The following ANO3 variants were observed in gnomAD, a reference collection of about 807,000 sequenced individuals.
ANO3 encodes anoctamin-3.
ANO3 carries 99 observed loss-of-function variants against 144.8 expected under a neutral mutation model. That is an observed-to-expected ratio of 0.68 (90% CI 0.58 to 0.81). The LOEUF is 0.81. ANO3 is among the 30% of genes least tolerant of loss of function. The pLI is 0.00. For missense variants in ANO3, 905 were observed against 1,202.2 expected (o/e 0.75, Z 3.66); for synonymous variants, 414 against 392.6 (o/e 1.05, Z -0.64).
chr11:26,404,317 A>C (rs1204750676), intron 1 of ANO3, among the ~76,000 whole-genome samples: 2 of 151,836 alleles, frequency 1.3e-5, no homozygotes, highest in African/African-American at 4.8e-5. Flanking sequence ...GCTAGACTCC[A>C]TATTGATCTA....
intron 1 of ANO3, among the ~76,000 whole-genome samples, chr11:26,192,870 G>A (rs1268461373): frequency 6.6e-6 from 1 of 152,100 alleles, no homozygotes; most frequent in African/African-American, 2.4e-5. Context: ...GTGTTCCAGA[G>A]ATTGATGTAA....
chr11:26,370,110 A>G (rs748336785), intron 1 of ANO3, among the ~76,000 whole-genome samples: 2 of 152,206 alleles, frequency 1.3e-5, no homozygotes, highest in Admixed American at 1.3e-4. Flanking sequence ...GTTCTCACCC[A>G]TATCTAGTCT....
chr11:26,362,150 G>A (rs188467018), intron 1 of ANO3, among the ~76,000 whole-genome samples: 45 of 152,158 alleles, frequency 3.0e-4, no homozygotes, highest in Admixed American at 2.9e-3. Flanking sequence ...GAGTGAAATC[G>A]CACACTCATA....
chr11:26,356,327 A>C (rs1855782899), intron 1 of ANO3, among the ~76,000 whole-genome samples: 1 of 152,160 alleles, frequency 6.6e-6, no homozygotes, highest in Admixed American at 6.5e-5. Flanking sequence ...TGAAACCACA[A>C]TCACAATCAA....
At chr11:26,476,661 G>A (rs1044112042) in intron 4 of ANO3, among the ~76,000 whole-genome samples, 4 of 152,028 alleles carry the variant, frequency 2.6e-5, no homozygotes, top group African/African-American at 9.7e-5. Flanking sequence ...CAATGTCGGA[G>A]GTGGGGACGA....
rs1331813808 is a variant in ANO3 at position 26,553,467 on chromosome 11, T to C, written c.1386+122T>C. ...TCTCAAGAGTTTCAACCTTAATAAGTGCCATTGACAACTGAATAAAATGTC... is the reference window on the plus strand; with the variant it reads ...TCTCAAGAGTTTCAACCTTAATAAGCGCCATTGACAACTGAATAAAATGTC... On this transcript the variant is annotated intron_variant, in intron 13 of 26. Coordinates refer to ENST00000256737, the MANE Select transcript of ANO3 (RefSeq NM_031418.4). 5.4e-6 allele frequency: 3 copies of C among 553,554 alleles called. No homozygotes were observed. The African/African-American group carries it at 5.7e-5, about 11-fold the overall frequency. 34.3% of individuals were successfully genotyped at this position (553,554 alleles called of 1,614,324 possible). A position where few individuals can be genotyped will look rare whatever the true frequency, so the allele number is the denominator to read the frequency against.
At chr11:26,198,145 G>A (rs372878655) in intron 1 of ANO3, among the ~76,000 whole-genome samples, 4 of 152,156 alleles carry the variant, frequency 2.6e-5, no homozygotes, top group African/African-American at 9.7e-5. Flanking sequence ...CTAGGGGATT[G>A]AGGATGGTTC....
chr11:26,406,424 C>A (rs191092079), intron 1 of ANO3, among the ~76,000 whole-genome samples: 2 of 151,918 alleles, frequency 1.3e-5, no homozygotes, highest in Non-Finnish European at 2.9e-5. Flanking sequence ...CCATAGCAAC[C>A]ACTGAATACA....
At chr11:26,389,489 A>T (rs988249937) in intron 1 of ANO3, among the ~76,000 whole-genome samples, 8 of 151,984 alleles carry the variant, frequency 5.3e-5, no homozygotes, top group Non-Finnish European at 1.0e-4. Context: ...TATTTAGCAC[A>T]ATATAAATAT....
chr11:26,229,432 TATATTA>T lies in ANO3; in HGVS notation c.154+40108_154+40113del, dbSNP rs1852340622. ...AGCAAACCCTATGTTGTTAACTCAG[TATATTA>T]ATATTTCCTCATCTCTTTGTGAACA... On this transcript the variant is annotated intron_variant, in intron 1 of 27. Coordinates refer to the ANO3 transcript ENST00000672621. Among the ~76,000 whole-genome samples, 3 of 152,196 alleles carry T rather than the reference TATATTA, an allele frequency of 2.0e-5. No homozygotes were observed. In the South Asian group the frequency reaches 6.2e-4, roughly 31 times the overall value.
intron 14 of ANO3, among the ~76,000 whole-genome samples, chr11:26,585,810 A>T (rs1416581989): frequency 6.6e-6 from 1 of 152,148 alleles, no homozygotes; most frequent in East Asian, 1.9e-4. Flanking sequence ...CATATGTTAA[A>T]CTGAAGGTTA....
At chr11:26,191,466 T>C (rs1851476921) in intron 1 of ANO3, among the ~76,000 whole-genome samples, 1 of 152,002 alleles carries the variant, frequency 6.6e-6, no homozygotes, top group Admixed American at 6.6e-5. Context: ...TGATCTCACC[T>C]TCTCCAGATT....
At chr11:26,547,287 G>A in intron 11 of ANO3, 129 bp from the exon 12 acceptor site, 4 of 857,136 alleles carry the variant, frequency 4.7e-6, no homozygotes, top group Non-Finnish European at 7.4e-6. Context: ...AGATACTTTA[G>A]ATGGAGCTGA....
At chr11:26,628,760 A>G (rs1852673597) in intron 18 of ANO3, among the ~76,000 whole-genome samples, 1 of 151,932 alleles carries the variant, frequency 6.6e-6, no homozygotes, top group Admixed American at 6.6e-5. Context: ...CTGCTATGTG[A>G]TTTTTCTGGT....
intron 1 of ANO3, among the ~76,000 whole-genome samples, chr11:26,209,367 C>T (rs548100162): frequency 1.3e-5 from 2 of 152,244 alleles, no homozygotes; most frequent in East Asian, 3.9e-4. Context: ...TGTATATGTG[C>T]CACATTTTCT....
chr11:26,599,417 T>C (rs11602453), intron 16 of ANO3, 133 bp from the exon 17 acceptor site: 1 of 931,714 alleles, frequency 1.1e-6, no homozygotes, highest in Non-Finnish European at 1.6e-6. Flanking sequence ...AGGAGAAAAT[T>C]AAATCTAGAT....
At chr11:26,616,806 T>A (rs1032368114) in intron 17 of ANO3, among the ~76,000 whole-genome samples, 1 of 152,332 alleles carries the variant, frequency 6.6e-6, no homozygotes, top group South Asian at 2.1e-4. Flanking sequence ...GGAGTCTCTC[T>A]CTGTTGCCCA....
At position 26,194,452 on chromosome 11, in the gene ANO3, G is replaced by GTGTGTA. The variant is rs1554920739; in HGVS notation, c.154+5127_154+5128insATGTGT. ...TGGGTACATAGTGGTGTGTGTGTGT[G>GTGTGTA]TGTGTGTGTGTGTGTGTGTGTGTGT... On this transcript the variant is annotated intron_variant, in intron 1 of 27. Coordinates refer to the ANO3 transcript ENST00000672621. Among the ~76,000 whole-genome samples, 57 of 147,680 alleles carry GTGTGTA rather than the reference G, an allele frequency of 3.9e-4. 1 individual carries two copies. Among genetic ancestry groups the GTGTGTA allele is most frequent in the African/African-American group, 1.4e-3 (56 of 39,772 alleles).
chr11:26,231,157 G>A (rs757048340), intron 1 of ANO3, among the ~76,000 whole-genome samples: 2 of 152,192 alleles, frequency 1.3e-5, no homozygotes, highest in African/African-American at 2.4e-5. Context: ...GATTACAAGC[G>A]TGAGCCACCA....
Sources: gnomAD v4.1 joint callset for allele counts (sites outside exome capture counted in the v4.1 genomes callset) on GRCh38, gnomAD v4.1.1 for gene constraint, MANE v1.5 for transcripts, NCBI Gene and HGNC (gene_info 2026-07-23, HGNC 2026-07-21) for gene names.